The following UPK1B variants were observed in gnomAD, a reference collection of about 807,000 sequenced individuals.
UPK1B encodes the protein uroplakin 1B, also known as uroplakin-1b.
Under a neutral mutation model 34.2 loss-of-function variants are expected in UPK1B, and 28 were observed. The ratio of observed to expected loss-of-function variants is 0.82; its 90% CI spans 0.61 to 1.12. UPK1B has a LOEUF of 1.12. Among genes scored for constraint, UPK1B ranks in the 50% most tolerant of loss-of-function variants. The pLI is 0.00. For missense variants in UPK1B, 325 were observed against 320.9 expected (o/e 1.01, Z -0.10); for synonymous variants, 81 against 110.4 (o/e 0.73, Z 1.67).
chr3:119,193,964 C>G (rs866235756), intron 5 of UPK1B, among the ~76,000 whole-genome samples: 12 of 152,078 alleles, frequency 7.9e-5, no homozygotes, highest in African/African-American at 2.2e-4. Flanking sequence ...GAGGCTTAGA[C>G]AGTTTAAGTA....
chr3:119,179,507 C>CTTTTTTTTTTTTTTTTTTTTT lies in UPK1B; in HGVS notation c.-29+5889_-29+5890insTTTTTTTTTTTTTTTTTTTTT, dbSNP rs71297415. Among the ~76,000 whole-genome samples the CTTTTTTTTTTTTTTTTTTTTT allele has an allele frequency of 1.9e-4, 10 of 52,254 alleles. 4 individuals carry two copies. The highest frequency in any genetic ancestry group is 5.6e-4 in the African/African-American group (8 of 14,280). 34.3% of individuals were successfully genotyped at this position (52,254 alleles called of 152,430 possible). ...TTTGGGGAAGAGTTGATGTTGCAGT[C>CTTTTTTTTTTTTTTTTTTTTT]TTTTTTTTTTTTTTTTTTTTGAGAC... On this transcript the variant is annotated intron_variant, in intron 1 of 7. Transcript: ENST00000264234.
chr3:119,176,528 T>C (rs1429490191), intron 1 of UPK1B, among the ~76,000 whole-genome samples: 1 of 152,240 alleles, frequency 6.6e-6, no homozygotes, highest in Non-Finnish European at 1.5e-5. Flanking sequence ...TCCCAGGGTA[T>C]TGAGCAATTT....
chr3:119,194,160 C>T, intron 5 of UPK1B, 59 bp from the exon 6 acceptor site: 2 of 1,477,022 alleles, frequency 1.4e-6, no homozygotes, highest in Non-Finnish European at 1.8e-6. Flanking sequence ...TCAGTTGCTA[C>T]ATTGATGGCT....
At chr3:119,174,007 AC>A (rs1228305574) in intron 1 of UPK1B, among the ~76,000 whole-genome samples, 1 of 151,928 alleles carries the variant, frequency 6.6e-6, no homozygotes, top group East Asian at 1.9e-4. Flanking sequence ...ACCTTTGTAG[AC>A]CCCCAATTTC....
chr3:119,180,032 A>G (rs545626533), intron 1 of UPK1B, among the ~76,000 whole-genome samples: 3 of 150,914 alleles, frequency 2.0e-5, no homozygotes, highest in African/African-American at 7.3e-5. Flanking sequence ...TACCAACCTC[A>G]GGTGATCTAC....
chr3:119,186,379 C>G (rs1324781478), intron 1 of UPK1B, among the ~76,000 whole-genome samples: 1 of 152,220 alleles, frequency 6.6e-6, no homozygotes, highest in Admixed American at 6.5e-5. Context: ...GCCAGGGACC[C>G]TCAGTGTGTT....
At chr3:119,173,951 C>T (rs1000718166) in intron 1 of UPK1B, among the ~76,000 whole-genome samples, 3 of 152,172 alleles carry the variant, frequency 2.0e-5, no homozygotes, top group African/African-American at 7.2e-5. Context: ...AATCCAAGCA[C>T]CCCGAGAAAC....
chr3:119,182,551 G>A (rs1337203263), intron 1 of UPK1B, among the ~76,000 whole-genome samples: 1 of 152,218 alleles, frequency 6.6e-6, no homozygotes, highest in Non-Finnish European at 1.5e-5. Context: ...AAACGAGGAA[G>A]TAGATACTAA....
At position 119,178,614 on chromosome 3, in the gene UPK1B, AC is replaced by A. The variant is rs1031439026; in HGVS notation, c.-29+4978del. Among the ~76,000 whole-genome samples, 5 of 152,358 alleles carry A rather than the reference AC, an allele frequency of 3.3e-5. 1 individual carries two copies. The highest frequency in any genetic ancestry group is 3.9e-4 in the East Asian group (2 of 5,190). On this transcript the variant is annotated intron_variant, in intron 1 of 7. Transcript: ENST00000264234. ...GTAGATCATTTTGGCCTAAATTCAT[AC>A]CAAAAACTAGATTTTAGCATAGACA... is the stretch of plus-strand genomic sequence containing the variant.
At chr3:119,189,315 G>A (rs562850178) in intron 3 of UPK1B, among the ~76,000 whole-genome samples, 28 of 152,314 alleles carry the variant, frequency 1.8e-4, no homozygotes, top group African/African-American at 6.5e-4. Context: ...GCAACAGAGG[G>A]TCCTGCTCGG....
chr3:119,182,455 A>G (rs527519838), intron 1 of UPK1B, among the ~76,000 whole-genome samples: 37 of 152,382 alleles, frequency 2.4e-4, no homozygotes, highest in African/African-American at 8.2e-4. Flanking sequence ...AAACAATCTT[A>G]GTGCTTACCT....
intron 7 of UPK1B, among the ~76,000 whole-genome samples, chr3:119,203,352 A>AC (rs1559905294): frequency 2.0e-5 from 3 of 150,464 alleles, no homozygotes; most frequent in East Asian, 1.9e-4. Context: ...AAAAAAAAAA[A>AC]AAAAAAAAAA....
intron 1 of UPK1B, among the ~76,000 whole-genome samples, chr3:119,186,344 C>T (rs1206564383): frequency 6.6e-6 from 1 of 152,224 alleles, no homozygotes; most frequent in Non-Finnish European, 1.5e-5. Flanking sequence ...TTCCATTTGT[C>T]ATGGCCAAGG....
intron 6 of UPK1B, 57 bp from the exon 7 acceptor site, chr3:119,199,000 T>G: frequency 6.3e-7 from 1 of 1,592,854 alleles, no homozygotes; most frequent in South Asian, 1.1e-5. Flanking sequence ...TTCCCATCAA[T>G]CTCTTCTCTG....
intron 1 of UPK1B, 163 bp from the exon 2 acceptor site, chr3:119,186,551 T>C (rs2078020287): frequency 6.7e-6 from 4 of 599,796 alleles, no homozygotes; most frequent in Non-Finnish European, 1.2e-5. Flanking sequence ...TCATTCTTTA[T>C]AAAAGTTATG....
Position 119,204,017 on chromosome 3 carries a change from G to A in UPK1B, c.*50G>A, listed in dbSNP as rs2078107604. 1.3e-6 allele frequency: 2 copies of A among 1,599,062 alleles called. No individual in the cohort carries two copies. Among genetic ancestry groups the A allele is most frequent in the Non-Finnish European group, 1.7e-6 (2 of 1,168,446 alleles). On this transcript the variant is annotated 3_prime_UTR_variant, in exon 8 of 8. Transcript: ENST00000264234. ...CCTTCCCCGAGTGACTCTGGATTTG[G>A]TGCTGGAACCAGCTCTCTCCTAATA...
At chr3:119,182,985 C>T (rs6784773) in intron 1 of UPK1B, among the ~76,000 whole-genome samples, 35,460 of 152,008 alleles carry the variant, frequency 0.23, 4,341 homozygotes, top group East Asian at 0.4. Context: ...GCATCGTGTC[C>T]AGGGGCTAAA....
At chr3:119,192,467 G>A (rs2078048838) in intron 5 of UPK1B, among the ~76,000 whole-genome samples, 1 of 152,270 alleles carries the variant, frequency 6.6e-6, no homozygotes, top group South Asian at 2.1e-4. Context: ...TGACCACAGA[G>A]CTCAAATGGG....
At position 119,204,158 on chromosome 3, in the gene UPK1B, A is replaced by T; in HGVS notation, c.*191A>T. 1.7e-6 allele frequency: 1 copy of T among 593,782 alleles called. No individual in the cohort carries two copies. Among genetic ancestry groups the T allele is most frequent in the South Asian group, 2.4e-5 (1 of 42,088 alleles). 36.8% of individuals were successfully genotyped at this position (593,782 alleles called of 1,614,324 possible). ...TCTCATGACTCCTACTTTTCATCCT[A>T]GTCTAGCATTCTGCAACATTTATAT... On this transcript the variant is annotated 3_prime_UTR_variant, in exon 8 of 8. Coordinates refer to ENST00000264234, the MANE Select transcript of UPK1B (RefSeq NM_006952.4).
Sources: allele counts gnomAD v4.1 joint callset (sites outside exome capture counted in the v4.1 genomes callset), GRCh38; gene constraint gnomAD v4.1.1; transcripts MANE v1.5; gene names NCBI Gene and HGNC (gene_info 2026-07-23, HGNC 2026-07-21).